Variants in COBL observed in about 807,000 individuals in gnomAD.
The protein encoded by COBL is cordon-bleu WH2 repeat protein, also known as protein cordon-bleu.
In COBL, 51 loss-of-function variants were observed where a neutral mutation model predicts 98.8. The observed-to-expected ratio is 0.52, with a 90% CI of 0.41 to 0.65. The LOEUF (loss-of-function observed/expected upper bound fraction) is 0.65. Ranked by LOEUF, COBL falls within the 30% of genes least tolerant of loss-of-function variation. The probability of loss-of-function intolerance (pLI) is 0.00; values close to 1 mark genes in which losing one functional copy is unlikely to be tolerated. For missense variants in COBL, 1,617 were observed against 1,617.5 expected, an observed-to-expected ratio of 1.00 and a Z score of 0.01; for synonymous variants, 634 against 651.7, an observed-to-expected ratio of 0.97 and a Z score of 0.41.
chr7:51,093,893 C>G (rs539551615), intron 6 of COBL, among the ~76,000 whole-genome samples: 4 of 144,398 alleles, frequency 2.8e-5, no homozygotes, highest in African/African-American at 1.0e-4. Context: ...GGCCCTGACA[C>G]CAAAAGAAAA....
intron 5 of COBL, chr7:51,156,493 C>CA: frequency 1.0e-6 from 1 of 985,066 alleles, no homozygotes; most frequent in Non-Finnish European, 1.2e-6. Flanking sequence ...TGGAGGCTGT[C>CA]ATTCAAAGGA....
At chr7:51,278,017 C>T (rs1305272714) in intron 1 of COBL, among the ~76,000 whole-genome samples, 5 of 152,182 alleles carry the variant, frequency 3.3e-5, no homozygotes, top group African/African-American at 4.8e-5. Context: ...AGCAGAGAGA[C>T]ACAACAAATC....
intron 1 of COBL, among the ~76,000 whole-genome samples, chr7:51,271,909 A>G (rs1798797658): frequency 2.0e-5 from 3 of 152,068 alleles, no homozygotes; most frequent in Admixed American, 2.0e-4. Context: ...TGTGCCTGTA[A>G]TCCCAGCTAC....
In COBL at chr7:51,263,227, G is replaced by A. The variant is rs1397953586; in HGVS notation, c.42-43283C>T. ...CATCTACACTGCACTGGGGAAAGGT[G>A]CAAGAGACACCCTCCAGCCCTAGGC... On this transcript the variant is annotated intron_variant, in intron 1 of 12. Transcript: ENST00000265136. Among the ~76,000 whole-genome samples, 3 of 151,828 alleles carry A rather than the reference G, an allele frequency of 2.0e-5. 1 individual carries two copies. Among genetic ancestry groups the A allele is most frequent in the Admixed American group, 1.3e-4 (2 of 14,860 alleles).
intron 1 of COBL, among the ~76,000 whole-genome samples, chr7:51,311,300 C>T (rs1803014988): frequency 6.6e-6 from 1 of 152,206 alleles, no homozygotes; most frequent in South Asian, 2.1e-4. Flanking sequence ...CCCCAAGAGG[C>T]CACAGGGTTT....
At chr7:51,286,404 TAAA>T (rs200368671) in intron 1 of COBL, among the ~76,000 whole-genome samples, 1 of 100,130 alleles carries the variant, frequency 1.0e-5, no homozygotes, top group Admixed American at 9.9e-5. Context: ...TTCAAGTAAC[TAAA>T]AAAAAAAAAG....
At chr7:51,228,673 T>C (rs1293160787) in intron 1 of COBL, among the ~76,000 whole-genome samples, 1 of 152,098 alleles carries the variant, frequency 6.6e-6, no homozygotes, top group Non-Finnish European at 1.5e-5. Flanking sequence ...GGCCTGTAGA[T>C]ATGGGAACAC....
chr7:51,278,047 C>A (rs754567294), intron 1 of COBL, among the ~76,000 whole-genome samples: 4 of 152,126 alleles, frequency 2.6e-5, no homozygotes, highest in Non-Finnish European at 4.4e-5. Context: ...CCCCTAGGGA[C>A]GTCTCAACTA....
At chr7:51,038,996 T>G (rs904899817) in intron 8 of COBL, among the ~76,000 whole-genome samples, 7 of 133,742 alleles carry the variant, frequency 5.2e-5, no homozygotes, top group Non-Finnish European at 4.6e-5. Flanking sequence ...AAACCAGGTA[T>G]AGGGGGTCAT....
intron 5 of COBL, among the ~76,000 whole-genome samples, chr7:51,146,452 G>A (rs1785040057): frequency 6.6e-6 from 1 of 152,136 alleles, no homozygotes; most frequent in South Asian, 2.1e-4. Context: ...GCGATCGGCA[G>A]TTTCCTTGAG....
chr7:51,116,537 C>G (rs923566601), intron 6 of COBL, among the ~76,000 whole-genome samples: 2 of 151,934 alleles, frequency 1.3e-5, no homozygotes, highest in Non-Finnish European at 2.9e-5. Context: ...AATTTTTAAG[C>G]AATCACATAT....
chr7:51,272,946 T>A (rs1798904909), intron 1 of COBL, among the ~76,000 whole-genome samples: 1 of 148,476 alleles, frequency 6.7e-6, no homozygotes, highest in African/African-American at 2.6e-5. Flanking sequence ...TGGAACACAA[T>A]ACCAACAACA....
At position 51,211,225 on chromosome 7, in the gene COBL, C is replaced by A. The variant is rs1792394955; in HGVS notation, c.245+8516G>T. Among the ~76,000 whole-genome samples the A allele has an allele frequency of 2.0e-5, 3 of 152,308 alleles. No individual in the cohort carries two copies. The South Asian group carries it at 6.2e-4, about 32-fold the overall frequency. On this transcript the variant is annotated intron_variant, in intron 2 of 12. Transcript: ENST00000265136. ...GATGGAGCAGCCCCATCCTGATCTG[C>A]AGCTTTGCCCATTGATTAGGGATTG...
At position 51,028,324 on chromosome 7, in the gene COBL, T is replaced by A; in HGVS notation, c.2772A>T (p.Gly924=). The A allele has an allele frequency of 6.2e-7, 1 of 1,614,240 alleles. No individual in the cohort carries two copies. The highest frequency in any genetic ancestry group is 8.5e-7 in the Non-Finnish European group (1 of 1,180,034). ...AGGGCCACTGGGCACCATCCTTCCATCCTTGTGTCTCTGAGTGTGGGCTGG... is the reference window on the plus strand; with the variant it reads ...AGGGCCACTGGGCACCATCCTTCCAACCTTGTGTCTCTGAGTGTGGGCTGG... The part of the protein sequence containing the change: ...RTSSPHSETQ[G]WKDGAQWPCV... The change falls in exon 10 of 13, where the codon GGA becomes GGT. Residue 924 remains glycine (G), a synonymous_variant. Coordinates refer to ENST00000265136, the MANE Select transcript of COBL (RefSeq NM_015198.5).
chr7:51,276,268 C>A (rs984920880), intron 1 of COBL, among the ~76,000 whole-genome samples: 1 of 152,212 alleles, frequency 6.6e-6, no homozygotes, highest in Non-Finnish European at 1.5e-5. Flanking sequence ...AGGCTGGGGA[C>A]TGTCGTGGCA....
intron 5 of COBL, chr7:51,156,585 C>T (rs545721083): frequency 2.0e-6 from 2 of 984,932 alleles, no homozygotes; most frequent in South Asian, 9.4e-5. Context: ...TAAAAGAATT[C>T]TCTGATCCTT....
intron 5 of COBL, among the ~76,000 whole-genome samples, chr7:51,175,682 A>G (rs1788298633): frequency 6.6e-6 from 1 of 152,214 alleles, no homozygotes; most frequent in Admixed American, 6.5e-5. Context: ...AGGAAACCAA[A>G]ATATTCCTCT....
chr7:51,025,935 C>G (rs1787507465), intron 11 of COBL, among the ~76,000 whole-genome samples: 1 of 152,194 alleles, frequency 6.6e-6, no homozygotes, highest in Non-Finnish European at 1.5e-5. Context: ...GCAGTCCTGC[C>G]TTACTGAGAA....
At chr7:51,097,571 T>A (rs1418012570) in intron 6 of COBL, among the ~76,000 whole-genome samples, 2 of 152,188 alleles carry the variant, frequency 1.3e-5, no homozygotes, top group Non-Finnish European at 2.9e-5. Context: ...ACAAAAATGC[T>A]GTTAGAACTA....
Sources: gnomAD v4.1 joint callset for allele counts (sites outside exome capture counted in the v4.1 genomes callset) on GRCh38, gnomAD v4.1.1 for gene constraint, MANE v1.5 for transcripts, NCBI Gene and HGNC (gene_info 2026-07-23, HGNC 2026-07-21) for gene names.